Variants in SCN11A observed in about 807,000 individuals in gnomAD.
The protein encoded by SCN11A is sodium channel protein type 11 subunit alpha.
A neutral mutation model predicts 162.2 loss-of-function variants in SCN11A; 122 were observed. The ratio of observed to expected loss-of-function variants is 0.75; its 90% confidence interval spans 0.65 to 0.87. SCN11A has a LOEUF of 0.87. Among genes scored for constraint, SCN11A ranks in the 40% least tolerant of loss-of-function variants. The probability of loss-of-function intolerance (pLI) is 0.00; values close to 1 mark genes in which losing one functional copy is unlikely to be tolerated. For synonymous variants in SCN11A, 758 were observed against 751.5 expected (o/e 1.01, Z -0.14); for missense variants, 2,015 against 2,181.6 (o/e 0.92, Z 1.52).
intron 12 of SCN11A, among the ~76,000 whole-genome samples, chr3:38,909,576 G>T (rs1014897950): frequency 6.7e-6 from 1 of 149,512 alleles, no homozygotes; most frequent in African/African-American, 2.5e-5. Flanking sequence ...AAATTTTCTT[G>T]AAGTTTCTTT....
At chr3:38,968,277 A>G (rs1227753503) in intron 2 of SCN11A, among the ~76,000 whole-genome samples, 1 of 152,154 alleles carries the variant, frequency 6.6e-6, no homozygotes, top group Non-Finnish European at 1.5e-5. Flanking sequence ...TCATTCCCAG[A>G]TACAAAATTC....
intron 4 of SCN11A, among the ~76,000 whole-genome samples, chr3:38,952,589 A>T (rs986669745): frequency 6.6e-6 from 1 of 152,234 alleles, no homozygotes; most frequent in Non-Finnish European, 1.5e-5. Flanking sequence ...AAAGACAAAG[A>T]CAGGAAACTA....
rs1250718406 is a variant in SCN11A at position 38,894,197 on chromosome 3, A to AT, written c.2835+335dup. 2.0e-5 allele frequency among the ~76,000 whole-genome samples: 3 copies of AT among 152,122 alleles called. No individual in the cohort carries two copies. The East Asian group carries it at 5.8e-4, about 29-fold the overall frequency. On this transcript the variant is annotated intron_variant, in intron 19 of 29. Coordinates refer to ENST00000302328, the MANE Select transcript of SCN11A (RefSeq NM_001349253.2). ...AAACAAACCAACCAACAAACAAAAC[A>AT]TGCTATTCAGTTTACTTCCCAATCC...
intron 2 of SCN11A, among the ~76,000 whole-genome samples, chr3:39,031,282 T>C (rs1235370653): frequency 2.6e-5 from 4 of 152,136 alleles, no homozygotes; most frequent in Non-Finnish European, 5.9e-5. Flanking sequence ...TCCCAACACT[T>C]TGGCGGGCCA....
At chr3:38,868,704 G>A (rs187005986) in intron 26 of SCN11A, among the ~76,000 whole-genome samples, 1 of 152,174 alleles carries the variant, frequency 6.6e-6, no homozygotes, top group South Asian at 2.1e-4. Flanking sequence ...GTCTGGAAAG[G>A]GGGGTTGGAA....
intron 9 of SCN11A, 53 bp from the exon 10 acceptor site, chr3:38,921,308 C>T (rs997483872): frequency 3.2e-6 from 5 of 1,554,058 alleles, no homozygotes; most frequent in Non-Finnish European, 1.8e-6. Context: ...GCCAGACACT[C>T]ACAAAGGCCA....
At position 38,846,948 on chromosome 3, in the gene SCN11A, C is replaced by T; in HGVS notation, c.5122G>A (p.Glu1708Lys). 2.5e-6 allele frequency: 4 copies of T among 1,614,156 alleles called. No homozygotes were observed. The highest frequency in any genetic ancestry group is 3.4e-6 in the Non-Finnish European group (4 of 1,180,032). The change falls in exon 30 of 30, where the codon GAA (glutamate) becomes AAA (lysine). Residue 1708 changes from glutamate to lysine, a missense_variant. Glu to Lys is a moderately conservative substitution (Grantham distance 56). Coordinates refer to ENST00000302328, the MANE Select transcript of SCN11A (RefSeq NM_001349253.2). ...GGATTGGCTTCCATGAACTTCTCTT[C>T]CATCATTGCTTTCATACTATCTAGG... ...DGLDSMKAMM[E>K]EKFMEANPLK...
intron 9 of SCN11A, among the ~76,000 whole-genome samples, chr3:38,924,020 C>A (rs540788908): frequency 6.6e-6 from 1 of 152,236 alleles, no homozygotes; most frequent in African/African-American, 2.4e-5. Context: ...ACACACTGTG[C>A]AGGGCAGGCA....
chr3:38,970,589 G>C (rs1250860111), intron 2 of SCN11A, among the ~76,000 whole-genome samples: 1 of 152,194 alleles, frequency 6.6e-6, no homozygotes, highest in African/African-American at 2.4e-5. Context: ...AGGCCTTGAG[G>C]TGAGTGTGTG....
At chr3:38,971,025 T>G (rs1442842248) in intron 2 of SCN11A, among the ~76,000 whole-genome samples, 1 of 152,116 alleles carries the variant, frequency 6.6e-6, no homozygotes, top group Non-Finnish European at 1.5e-5. Flanking sequence ...CCTCAGCAAC[T>G]CAAAGCTATA....
intron 5 of SCN11A, among the ~76,000 whole-genome samples, chr3:38,947,357 A>G (rs1015789532): frequency 1.5e-4 from 23 of 152,230 alleles, no homozygotes; most frequent in Admixed American, 5.2e-4. Flanking sequence ...TAACCAGTCA[A>G]TTCTAACCTT....
chr3:38,917,772 A>T (rs2065983057), intron 11 of SCN11A, among the ~76,000 whole-genome samples: 2 of 152,106 alleles, frequency 1.3e-5, no homozygotes, highest in Admixed American at 6.6e-5. Flanking sequence ...CTATATAACA[A>T]ACCTGCATAT....
Position 38,867,349 on chromosome 3 carries a change from A to G in SCN11A, c.3923T>C (p.Ile1308Thr), listed in dbSNP as rs1280101606. The change falls in exon 27 of 30, where the codon ATT becomes ACT. Residue 1308 changes from isoleucine to threonine, a missense_variant. Ile to Thr is a moderately conservative substitution (Grantham distance 89). Transcript: ENST00000302328. ...FTLNLFIGVI[I>T]DNFNQQQKKL... ...TTTCTGCTGTTGGTTGAAGTTGTCA[A>G]TGATAACGCCAATGAAGAGATTCAG... 2 of 1,613,538 alleles carry G rather than the reference A, an allele frequency of 1.2e-6. No homozygotes were observed. The highest frequency in any genetic ancestry group is 1.7e-6 in the Non-Finnish European group (2 of 1,179,674).
At chr3:38,870,620 G>T (rs1339265960) in intron 26 of SCN11A, 71 bp downstream of exon 26, 6 of 1,331,924 alleles carry the variant, frequency 4.5e-6, no homozygotes, top group African/African-American at 1.4e-5. Context: ...GCCAGTTCTG[G>T]ACTGTCCATG....
chr3:39,042,435 A>C (rs2032069772), intron 1 of SCN11A, among the ~76,000 whole-genome samples: 1 of 152,200 alleles, frequency 6.6e-6, no homozygotes, highest in African/African-American at 2.4e-5. Context: ...CTGGGCAAAA[A>C]TTTCTTGAGT....
At chr3:38,887,294 G>C (rs2065417139) in intron 19 of SCN11A, among the ~76,000 whole-genome samples, 1 of 151,946 alleles carries the variant, frequency 6.6e-6, no homozygotes, top group Non-Finnish European at 1.5e-5. Context: ...ATCCATGATG[G>C]CACCAGCCCC....
chr3:38,934,785 T>C (rs906727339), intron 7 of SCN11A, among the ~76,000 whole-genome samples: 1 of 152,016 alleles, frequency 6.6e-6, no homozygotes, highest in Admixed American at 6.5e-5. Context: ...AATGGGAGAC[T>C]TTAACACCCC....
chr3:38,877,076 G>A (rs1230275594), intron 23 of SCN11A, among the ~76,000 whole-genome samples: 1 of 124,512 alleles, frequency 8.0e-6, no homozygotes, highest in African/African-American at 3.2e-5. Context: ...TATATATGGT[G>A]TATATACTAT....
At chr3:38,959,420 C>A (rs1007581558) in intron 3 of SCN11A, among the ~76,000 whole-genome samples, 18 of 152,184 alleles carry the variant, frequency 1.2e-4, no homozygotes, top group Non-Finnish European at 2.1e-4. Context: ...ACTAAGATAT[C>A]CCCAAGGAGA....
Sources: allele counts gnomAD v4.1 joint callset (sites outside exome capture counted in the v4.1 genomes callset), GRCh38; gene constraint gnomAD v4.1.1; transcripts MANE v1.5; gene names NCBI Gene and HGNC (gene_info 2026-07-23, HGNC 2026-07-21).